The following VWA8 variants were observed in gnomAD, a reference collection of about 807,000 sequenced individuals.
VWA8 encodes von Willebrand factor A domain containing 8.
A neutral mutation model predicts 241.5 loss-of-function variants in VWA8; 221 were observed. That is an observed-to-expected ratio of 0.91 (90% CI 0.82 to 1.02). The LOEUF is 1.02. VWA8 is among the 50% of genes least tolerant of loss of function. The pLI is 0.00. For synonymous variants in VWA8, 852 were observed against 827.1 expected (o/e 1.03, Z -0.52); for missense variants, 2,322 against 2,328.7 (o/e 1.00, Z 0.06).
chr13:41,653,543 G>T (rs1014389645), intron 37 of VWA8, among the ~76,000 whole-genome samples: 1 of 152,060 alleles, frequency 6.6e-6, no homozygotes, highest in African/African-American at 2.4e-5. Context: ...ATTCTTCATA[G>T]AATTAGAAAA....
chr13:41,872,442 C>A (rs1273289151), intron 9 of VWA8, among the ~76,000 whole-genome samples: 3 of 152,122 alleles, frequency 2.0e-5, no homozygotes, highest in Admixed American at 1.3e-4. Flanking sequence ...GGTTTTAGGT[C>A]TAACGTTTAA....
intron 18 of VWA8, among the ~76,000 whole-genome samples, chr13:41,784,658 GTCTC>G (rs57574031): frequency 4.8e-5 from 5 of 103,870 alleles, no homozygotes; most frequent in East Asian, 5.6e-4. Context: ...GTGCAACCTT[GTCTC>G]TCTCTCTCTC....
At position 41,568,280 on chromosome 13, in the gene VWA8, G is replaced by C. The variant is rs576123636; in HGVS notation, c.5635C>G (p.Arg1879Gly). Residue 1879 changes from arginine to glycine, a missense_variant, in exon 45 of 45, where the codon CGG becomes GGG. Arg to Gly is a moderately radical substitution (Grantham distance 125). Transcript: ENST00000379310. ...TTGGTATCCATGGCAACGAAAGACC[G>C]ACCAGCTGGTAAAGTTCTCTGAAGC... ...TRLQRTLPAG[R>G]SFVAMDTKDI... The C allele has an allele frequency of 5.6e-6, 9 of 1,614,002 alleles. No homozygotes were observed. Among genetic ancestry groups the C allele is most frequent in the Non-Finnish European group, 6.8e-6 (8 of 1,179,994 alleles).
At chr13:41,863,420 T>C (rs1176737402) in intron 12 of VWA8, among the ~76,000 whole-genome samples, 2 of 84,426 alleles carry the variant, frequency 2.4e-5, no homozygotes, top group East Asian at 3.1e-4. Flanking sequence ...TGTGTGTGTG[T>C]GTGTGTGTGT....
intron 12 of VWA8, among the ~76,000 whole-genome samples, chr13:41,855,793 A>G (rs1872723934): frequency 6.6e-6 from 1 of 152,146 alleles, no homozygotes; most frequent in African/African-American, 2.4e-5. Flanking sequence ...ACTATGTATG[A>G]ATTATACCTC....
chr13:41,690,103 G>T, intron 33 of VWA8, 63 bp downstream of exon 33: 1 of 1,399,852 alleles, frequency 7.1e-7, no homozygotes, highest in Non-Finnish European at 9.7e-7. Flanking sequence ...AATGATTCTA[G>T]AAGACAGTAT....
intron 20 of VWA8, among the ~76,000 whole-genome samples, chr13:41,765,774 T>C (rs1366083622): frequency 6.6e-6 from 1 of 152,226 alleles, no homozygotes; most frequent in Non-Finnish European, 1.5e-5. Context: ...ATGTAATTTG[T>C]ATCCTTTAGT....
intron 37 of VWA8, among the ~76,000 whole-genome samples, chr13:41,644,407 A>C (rs1202507425): frequency 6.6e-6 from 1 of 152,240 alleles, no homozygotes; most frequent in African/African-American, 2.4e-5. Context: ...CATTTTGTTC[A>C]AGGACATTTC....
At chr13:41,572,181 GT>G (rs1398168626) in intron 43 of VWA8, among the ~76,000 whole-genome samples, 2 of 151,374 alleles carry the variant, frequency 1.3e-5, no homozygotes, top group Non-Finnish European at 3.0e-5. Flanking sequence ...GAGGTGGGGG[GT>G]CAGCCCCCGC....
chr13:41,642,933 A>G (rs1242119573), intron 37 of VWA8, among the ~76,000 whole-genome samples: 4 of 152,190 alleles, frequency 2.6e-5, no homozygotes, highest in Non-Finnish European at 4.4e-5. Context: ...TGACTCAAAA[A>G]AAAAAGTCCA....
intron 37 of VWA8, 61 bp downstream of exon 37, chr13:41,670,885 C>T: frequency 6.3e-7 from 1 of 1,583,294 alleles, no homozygotes; most frequent in Non-Finnish European, 8.6e-7. Flanking sequence ...ACTGTGGCAT[C>T]TGGAACTAAA....
At chr13:41,696,360 T>C (rs994690641) in intron 29 of VWA8, among the ~76,000 whole-genome samples, 2 of 152,250 alleles carry the variant, frequency 1.3e-5, no homozygotes, top group African/African-American at 2.4e-5. Flanking sequence ...TATGCAATAC[T>C]TTTCTCTTGA....
intron 9 of VWA8, among the ~76,000 whole-genome samples, chr13:41,876,006 C>T (rs1287895671): frequency 6.6e-6 from 1 of 152,026 alleles, no homozygotes; most frequent in Non-Finnish European, 1.5e-5. Context: ...AGCTTGAAAT[C>T]ATCCTTAACT....
At chr13:41,865,410 T>C in intron 12 of VWA8, 1 of 320,300 alleles carries the variant, frequency 3.1e-6, no homozygotes, top group Non-Finnish European at 6.0e-6. Context: ...ACAGTAGGTC[T>C]TATTTCTCCC....
At chr13:41,770,416 G>A (rs2045811917) in intron 20 of VWA8, among the ~76,000 whole-genome samples, 3 of 149,952 alleles carry the variant, frequency 2.0e-5, no homozygotes, top group Admixed American at 6.7e-5. Context: ...ACTACAGCCT[G>A]GGCGACAGAG....
rs1555303591 is a variant in VWA8 at position 41,573,486 on chromosome 13, A to AATAAATAAAT, written c.5370+2253_5370+2254insATTTATTTAT. Among the ~76,000 whole-genome samples the AATAAATAAAT allele has an allele frequency of 7.3e-3, 830 of 113,596 alleles. 14 individuals are homozygous for AATAAATAAAT. Among genetic ancestry groups the AATAAATAAAT allele is most frequent in the African/African-American group, 0.027 (784 of 29,192 alleles). The allele number at this position is 113,596 out of a possible 152,430, so 74.5% of individuals were successfully genotyped here. A position where few individuals can be genotyped will look rare whatever the true frequency, so the allele number is the denominator to read the frequency against. On this transcript the variant is annotated intron_variant, in intron 43 of 44. Transcript: ENST00000379310. ...GGTGGCTATAGTTTAAAAAAAAAAA[A>AATAAATAAAT]ATATATATATATATATATATACCTC...
chr13:41,723,846 A>T (rs544321476), intron 24 of VWA8, among the ~76,000 whole-genome samples: 1 of 152,308 alleles, frequency 6.6e-6, no homozygotes, highest in African/African-American at 2.4e-5. Context: ...AATATTTGGC[A>T]ATAACAGGCA....
chr13:41,930,813 T>C (rs1877072351), intron 2 of VWA8, among the ~76,000 whole-genome samples: 1 of 152,208 alleles, frequency 6.6e-6, no homozygotes, highest in Non-Finnish European at 1.5e-5. Context: ...AAAATAACTC[T>C]GGTCCCAAGC....
chr13:41,695,217 A>C (rs2045208742), intron 29 of VWA8, among the ~76,000 whole-genome samples: 1 of 152,152 alleles, frequency 6.6e-6, no homozygotes, highest in African/African-American at 2.4e-5. Flanking sequence ...CTGAAATTCT[A>C]AACTTTGTAC....
Sources: gnomAD v4.1 joint callset for allele counts (sites outside exome capture counted in the v4.1 genomes callset) on GRCh38, gnomAD v4.1.1 for gene constraint, MANE v1.5 for transcripts, NCBI Gene and HGNC (gene_info 2026-07-23, HGNC 2026-07-21) for gene names.